Variants in DYSF observed in about 807,000 individuals in gnomAD.
The protein encoded by DYSF is dysferlin, also known as dystrophy-associated fer-1-like 1.
DYSF carries 212 observed loss-of-function variants against 274.9 expected under a neutral mutation model. That is an observed-to-expected ratio of 0.77 (90% CI 0.69 to 0.86). The LOEUF (loss-of-function observed/expected upper bound fraction) is 0.86, where lower values mean the gene tolerates loss of function less well. Ranked by LOEUF, DYSF falls within the 40% of genes least tolerant of loss-of-function variation. The pLI is 0.00. For synonymous variants in DYSF, 1,091 were observed against 1,078.7 expected, an observed-to-expected ratio of 1.01 and a Z score of -0.22; for missense variants, 2,666 against 2,783.2, an observed-to-expected ratio of 0.96 and a Z score of 0.95.
intron 21 of DYSF, among the ~76,000 whole-genome samples, chr2:71,555,123 CAG>C (rs985695934): frequency 6.6e-6 from 1 of 152,076 alleles, no homozygotes; most frequent in African/African-American, 2.4e-5. Flanking sequence ...CCCACCTTCC[CAG>C]AGACTGGCAG....
At chr2:71,552,964 C>G in intron 19 of DYSF, 47 bp from the exon 20 acceptor site, 1 of 1,609,770 alleles carries the variant, frequency 6.2e-7, no homozygotes, top group Non-Finnish European at 8.5e-7. Flanking sequence ...GCCTGGGTGC[C>G]TTTCTTTGCT....
At position 71,539,206 on chromosome 2, in the gene DYSF, T is replaced by A; in HGVS notation, c.1543T>A (p.Ser515Thr). The A allele has an allele frequency of 6.2e-7, 1 of 1,614,106 alleles. No individual in the cohort carries two copies. Among genetic ancestry groups the A allele is most frequent in the Non-Finnish European group, 8.5e-7 (1 of 1,180,026 alleles). ...DIVATTYLSM[S>T]KISAPGGEIE... ...CGTGGCTACCACCTACCTGAGTATG[T>A]CGAAAATCTCTGCCCCTGGAGGAGA... Residue 515 changes from serine (S) to threonine (T), a missense_variant, in exon 17 of 56, where the codon TCG (serine) becomes ACG (threonine). Physicochemically the swap from Ser to Thr is moderately conservative, Grantham distance 58 (BLOSUM62 1). This residue lies in a region of DYSF where 794 missense variants were observed against 777.1 expected (regional missense o/e 1.02). Transcript: ENST00000410020.
At chr2:71,538,826 T>G (rs530221288) in intron 16 of DYSF, among the ~76,000 whole-genome samples, 22 of 152,308 alleles carry the variant, frequency 1.4e-4, no homozygotes, top group African/African-American at 5.1e-4. Context: ...TCCCTGGCCC[T>G]GCCTCCTTGC....
At chr2:71,667,135 G>T (rs1052273659) in intron 47 of DYSF, among the ~76,000 whole-genome samples, 2 of 152,160 alleles carry the variant, frequency 1.3e-5, no homozygotes. Flanking sequence ...GAACAGGCTT[G>T]GTAGAAATGA....
rs536847390 is a variant in DYSF, at chr2:71,453,941, C to T, written c.-58C>T. 8 of 1,583,890 alleles carry T rather than the reference C, an allele frequency of 5.1e-6. No individual in the cohort carries two copies. In the African/African-American group the frequency reaches 9.4e-5, roughly 19 times the overall value. ...ACCCACAAGCGGCGCCTCGGCCCTC[C>T]CGACCTTTCCGAGCCCTCTTTGCGC... On this transcript the variant is annotated 5_prime_UTR_variant, in exon 1 of 55. Transcript: ENST00000258104.
At position 71,513,797 on chromosome 2, in the gene DYSF, C is replaced by G; in HGVS notation, c.635C>G (p.Pro212Arg). ...CCATTCCTGGATCAAAGCGGAGGCC[C>G]GGGGGCTCCCACCACCCCAAGGAAA... Reference protein sequence around the residue: ...AEPFLDQSGGPGAPTTPRKLP... With the variant: ...AEPFLDQSGGRGAPTTPRKLP... Residue 212 changes from proline (P) to arginine (R), a missense_variant, in exon 7 of 56, where the codon CCG becomes CGG. This residue lies in a region of DYSF where 794 missense variants were observed against 777.1 expected (regional missense o/e 1.02). Transcript: ENST00000410020. 1.9e-6 allele frequency: 3 copies of G among 1,614,094 alleles called. No individual in the cohort carries two copies. The highest frequency in any genetic ancestry group is 2.5e-6 in the Non-Finnish European group (3 of 1,179,966).
chr2:71,653,637 A>G (rs1251071281), intron 42 of DYSF, among the ~76,000 whole-genome samples: 1 of 124,946 alleles, frequency 8.0e-6, no homozygotes, highest in Non-Finnish European at 1.6e-5. Context: ...AGGAAGGGGA[A>G]CATCACACTC....
rs556677622 is a variant in DYSF, at chr2:71,587,699, C to T, written c.3403-1894C>T. On this transcript the variant is annotated intron_variant, in intron 30 of 55. Coordinates refer to ENST00000410020, the MANE Select transcript of DYSF (RefSeq NM_001130987.2). The stretch of plus-strand genomic sequence containing the variant: ...GATTCAGAGAAGTTAAGCCACTTGC[C>T]CAAAGTCACACAGCCAGTAGTAAAC... Among the ~76,000 whole-genome samples, 14 of 152,228 alleles carry T rather than the reference C, an allele frequency of 9.2e-5. 1 individual carries two copies. The highest frequency in any genetic ancestry group is 3.4e-4 in the African/African-American group (14 of 41,530).
At chr2:71,676,923 GTGTGTA>G (rs1336538709) in intron 52 of DYSF, among the ~76,000 whole-genome samples, 1 of 93,220 alleles carries the variant, frequency 1.1e-5, no homozygotes, top group Admixed American at 1.4e-4. Context: ...GAGATAATGT[GTGTGTA>G]TGTGTGTGTG....
intron 16 of DYSF, among the ~76,000 whole-genome samples, chr2:71,536,690 A>G (rs1364370599): frequency 6.6e-6 from 1 of 152,218 alleles, no homozygotes; most frequent in Non-Finnish European, 1.5e-5. Flanking sequence ...TGGTGGTTGC[A>G]TCTCTGGTTT....
intron 32 of DYSF, among the ~76,000 whole-genome samples, chr2:71,593,763 C>T (rs1000658634): frequency 2.0e-5 from 3 of 152,178 alleles, no homozygotes; most frequent in Non-Finnish European, 4.4e-5. Flanking sequence ...TGTAGAGCTG[C>T]CCGCCCAGAT....
At chr2:71,465,777 G>T (rs1355352790), upstream of DYSF, among the ~76,000 whole-genome samples, 1 of 152,186 alleles carries the variant, frequency 6.6e-6, no homozygotes, top group Non-Finnish European at 1.5e-5. Flanking sequence ...TGGAGTGCTG[G>T]GGGATAGAAG....
chr2:71,658,124 A>G (rs554119882), intron 43 of DYSF, among the ~76,000 whole-genome samples: 17 of 152,340 alleles, frequency 1.1e-4, no homozygotes, highest in African/African-American at 4.1e-4. Flanking sequence ...TTCTTCTGCC[A>G]GATACCCTAA....
intron 45 of DYSF, among the ~76,000 whole-genome samples, chr2:71,662,874 G>A (rs1346885485): frequency 5.1e-5 from 3 of 58,518 alleles, no homozygotes; most frequent in Non-Finnish European, 8.2e-5. Context: ...GTCCATGTAT[G>A]TGTGTGTGTG....
intron 29 of DYSF, among the ~76,000 whole-genome samples, chr2:71,572,088 C>G (rs2092515399): frequency 7.0e-6 from 1 of 142,002 alleles, no homozygotes; most frequent in Non-Finnish European, 1.5e-5. Context: ...AGCACACCCA[C>G]AGATCATACC....
intron 21 of DYSF, among the ~76,000 whole-genome samples, chr2:71,554,157 C>T (rs767779639): frequency 2.0e-5 from 3 of 152,200 alleles, no homozygotes; most frequent in Non-Finnish European, 4.4e-5. Context: ...GAGGCAGCCC[C>T]AGTGTGCAGT....
intron 36 of DYSF, among the ~76,000 whole-genome samples, chr2:71,603,236 C>G (rs1453437134): frequency 6.6e-6 from 1 of 152,150 alleles, no homozygotes; most frequent in Admixed American, 6.5e-5. Context: ...CTCAAAAGGC[C>G]AAGGACCAGT....
intron 30 of DYSF, among the ~76,000 whole-genome samples, chr2:71,577,605 GACAC>G (rs767350546): frequency 6.7e-6 from 1 of 150,108 alleles, no homozygotes; most frequent in Non-Finnish European, 1.5e-5. Flanking sequence ...CCAACACATA[GACAC>G]ACACACATTC....
chr2:71,645,403 A>ATGGCCTGC (rs1277439463), intron 42 of DYSF, among the ~76,000 whole-genome samples: 52 of 152,054 alleles, frequency 3.4e-4, no homozygotes, highest in African/African-American at 1.1e-3. Flanking sequence ...CCGCTGGTCA[A>ATGGCCTGC]TGGCCTGCTG....
Sources: gnomAD v4.1 joint callset for allele counts (sites outside exome capture counted in the v4.1 genomes callset) on GRCh38, gnomAD v4.1.1 for gene constraint, gnomAD v4.1.1 regional missense constraint, MANE v1.5 for transcripts, NCBI Gene and HGNC (gene_info 2026-07-23, HGNC 2026-07-21) for gene names.